Variants in MSTO1 observed in about 807,000 individuals in gnomAD.
MSTO1 encodes misato mitochondrial distribution and morphology regulator 1, also known as protein misato homolog 1.
A neutral mutation model predicts 55.7 loss-of-function variants in MSTO1; 24 were observed. That is an observed-to-expected ratio of 0.43 (90% confidence interval 0.31 to 0.61). The LOEUF (loss-of-function observed/expected upper bound fraction) is 0.61, where lower values mean the gene tolerates loss of function less well. Among genes scored for constraint, MSTO1 ranks in the 20% least tolerant of loss-of-function variants. The pLI is 0.09. For synonymous variants in MSTO1, 162 were observed against 252.8 expected, an observed-to-expected ratio of 0.64 and a Z score of 3.41; for missense variants, 363 against 625.7, an observed-to-expected ratio of 0.58 and a Z score of 4.48.
chr1:155,574,409 A>G, the MSTO1 span, among the ~76,000 whole-genome samples: 4 of 152,178 alleles, frequency 2.6e-5, no homozygotes, highest in Admixed American at 6.6e-5. Context: ...AGTTTAGTAA[A>G]TAGTATTGTT....
rs1351197575 is a variant in MSTO1, at chr1:155,612,632, C to A, written c.966+62C>A. ...TACAGGGCCTCCTCATGCTCCCAGTCAGCCGCTGTCTGTTACTGGCTCTGT... is the reference window on the plus strand; with the variant it reads ...TACAGGGCCTCCTCATGCTCCCAGTAAGCCGCTGTCTGTTACTGGCTCTGT... On this transcript the variant is annotated intron_variant, in intron 9 of 13. Coordinates refer to ENST00000245564, the MANE Select transcript of MSTO1 (RefSeq NM_018116.4). 5.2e-6 allele frequency: 8 copies of A among 1,539,836 alleles called. No individual in the cohort carries two copies. In the East Asian group the frequency reaches 1.6e-4, roughly 30 times the overall value.
upstream of MSTO1, among the ~76,000 whole-genome samples, chr1:155,607,026 G>C (rs1672946712): frequency 6.6e-6 from 1 of 151,034 alleles, no homozygotes; most frequent in African/African-American, 2.4e-5. Context: ...TAGAGATGGG[G>C]TTTCACCATG....
At chr1:155,610,205 G>C, upstream of MSTO1, 1 of 748,526 alleles carries the variant, frequency 1.3e-6, no homozygotes, top group Non-Finnish European at 2.2e-6. Context: ...TAGGAGCAGC[G>C]AGCGGCGCGG....
chr1:155,601,678 A>G, the MSTO1 span, among the ~76,000 whole-genome samples: 1 of 152,210 alleles, frequency 6.6e-6, no homozygotes, highest in African/African-American at 2.4e-5. Context: ...GTCATTTCCC[A>G]TAACTTAAAG....
At chr1:155,608,062 G>A (rs1343806152), upstream of MSTO1, among the ~76,000 whole-genome samples, 2 of 152,060 alleles carry the variant, frequency 1.3e-5, no homozygotes, top group Non-Finnish European at 1.5e-5. Context: ...AGAGATAAGA[G>A]CATCTAACCT....
chr1:155,598,847 C>T, the MSTO1 span: 174 of 1,420,610 alleles, frequency 1.2e-4, 1 homozygote, highest in Non-Finnish European at 1.1e-4. Flanking sequence ...ACCGGAAAAA[C>T]ACTCGGTCTT....
chr1:155,592,416 T>G, the MSTO1 span, among the ~76,000 whole-genome samples: 3 of 152,122 alleles, frequency 2.0e-5, no homozygotes, highest in South Asian at 2.1e-4. Flanking sequence ...ATCACATGAC[T>G]CCTCCTGTTT....
Position 155,613,181 on chromosome 1 carries a change from T to C in MSTO1, c.1231T>C (p.Cys411Arg), listed in dbSNP as rs1341524468. 4 of 1,614,014 alleles carry C rather than the reference T, an allele frequency of 2.5e-6. No homozygotes were observed. Among genetic ancestry groups the C allele is most frequent in the Admixed American group, 1.7e-5 (1 of 60,000 alleles). The change falls in exon 11 of 14, where the codon TGC (cysteine) becomes CGC (arginine). Residue 411 changes from cysteine to arginine, a missense_variant. Cys to Arg is a radical substitution (Grantham distance 180, BLOSUM62 -3). Transcript: ENST00000245564. ...SACGEPSGTR[C>R]FAQSVVLRGI... Reference sequence around the variant, plus strand: ...ATGTGGGGAGCCTTCTGGAACACGTTGCTTTGCCCAGTCAGTGGTGCTGAG... The same window carrying C: ...ATGTGGGGAGCCTTCTGGAACACGTCGCTTTGCCCAGTCAGTGGTGCTGAG...
chr1:155,613,308 C>T, intron 11 of MSTO1, 75 bp downstream of exon 11: 2 of 1,576,530 alleles, frequency 1.3e-6, no homozygotes, highest in East Asian at 4.5e-5. Flanking sequence ...TTCTCTGGGG[C>T]ATTCTAATGA....
the MSTO1 span, among the ~76,000 whole-genome samples, chr1:155,581,936 G>A: frequency 6.6e-6 from 1 of 150,852 alleles, no homozygotes; most frequent in Non-Finnish European, 1.5e-5. Flanking sequence ...TGGGACTACA[G>A]GTGTGCACCA....
At chr1:155,586,221 T>G in the MSTO1 span, among the ~76,000 whole-genome samples, 2 of 150,852 alleles carry the variant, frequency 1.3e-5, no homozygotes, top group Non-Finnish European at 3.0e-5. Flanking sequence ...TTTTTTTTTT[T>G]TGTTAGAGAC....
chr1:155,591,056 G>C, the MSTO1 span: 1 of 1,613,738 alleles, frequency 6.2e-7, no homozygotes, highest in Non-Finnish European at 8.5e-7. Context: ...AGCGCCAGCA[G>C]TGAGTCGTAC....
the MSTO1 span, among the ~76,000 whole-genome samples, chr1:155,589,821 C>T: frequency 6.6e-6 from 1 of 151,888 alleles, no homozygotes; most frequent in Non-Finnish European, 1.5e-5. Flanking sequence ...TGTCCACCCA[C>T]ACTGAGGGTG....
chr1:155,585,410 C>T, the MSTO1 span, among the ~76,000 whole-genome samples: 4 of 151,678 alleles, frequency 2.6e-5, no homozygotes, highest in East Asian at 3.9e-4. Context: ...ATAGTTCCAG[C>T]TGCTTGGGAG....
the MSTO1 span, among the ~76,000 whole-genome samples, chr1:155,595,491 C>CT: frequency 0.013 from 1,504 of 119,616 alleles, 53 homozygotes; most frequent in East Asian, 0.15. Flanking sequence ...ATTTCTTTTT[C>CT]TTTTTTTTTT....
chr1:155,565,889 A>T, the MSTO1 span, among the ~76,000 whole-genome samples: 1 of 152,206 alleles, frequency 6.6e-6, no homozygotes, highest in African/African-American at 2.4e-5. Flanking sequence ...TGGTTTCCCC[A>T]AGGATATCCA....
chr1:155,609,871 A>C, upstream of MSTO1: 1 of 214,604 alleles, frequency 4.7e-6, no homozygotes, highest in Non-Finnish European at 9.3e-6. Flanking sequence ...TTGCCCGGGG[A>C]GCTATCAGCC....
chr1:155,598,856 T>A, the MSTO1 span: 2 of 1,446,718 alleles, frequency 1.4e-6, no homozygotes, highest in Admixed American at 3.4e-5. Flanking sequence ...ACACTCGGTC[T>A]TTGCCATGTT....
At chr1:155,587,766 G>GAAAAAAA in the MSTO1 span, among the ~76,000 whole-genome samples, 1 of 147,504 alleles carries the variant, frequency 6.8e-6, no homozygotes, top group African/African-American at 2.5e-5. Context: ...AAAAAAAAAG[G>GAAAAAAA]AATAACTGTG....
Sources: allele counts gnomAD v4.1 joint callset (sites outside exome capture counted in the v4.1 genomes callset), GRCh38; gene constraint gnomAD v4.1.1; transcripts MANE v1.5; gene names NCBI Gene and HGNC (gene_info 2026-07-23, HGNC 2026-07-21).